Variants in FHIT observed in about 807,000 individuals in gnomAD.
FHIT encodes the protein bis(5'-adenosyl)-triphosphatase.
A neutral mutation model predicts 17.9 loss-of-function variants in FHIT; 19 were observed. The ratio of observed to expected loss-of-function variants is 1.06; its 90% CI spans 0.74 to 1.56. FHIT has a LOEUF of 1.56. FHIT is among the 40% of genes most tolerant of loss of function. The probability of loss-of-function intolerance (pLI) is 0.00; values close to 1 mark genes in which losing one functional copy is unlikely to be tolerated. For synonymous variants in FHIT, 81 were observed against 69.7 expected, an observed-to-expected ratio of 1.16 and a Z score of -0.81; for missense variants, 248 against 189.2, an observed-to-expected ratio of 1.31 and a Z score of -1.82.
chr3:60,789,289 C>G (rs923331107), intron 4 of FHIT, among the ~76,000 whole-genome samples: 1 of 151,602 alleles, frequency 6.6e-6, no homozygotes, highest in Non-Finnish European at 1.5e-5. Context: ...GAGGCCAAGG[C>G]GGGTAGATCA....
chr3:61,180,143 C>A (rs926228129), intron 2 of FHIT, among the ~76,000 whole-genome samples: 3 of 152,122 alleles, frequency 2.0e-5, no homozygotes, highest in African/African-American at 7.2e-5. Flanking sequence ...GCCTTTCCCT[C>A]ACGGCATCAA....
At chr3:60,821,822 C>G (rs557089414) in intron 4 of FHIT, 97 bp downstream of exon 4, 2 of 152,048 alleles carry the variant, frequency 1.3e-5, no homozygotes, top group African/African-American at 4.8e-5. Flanking sequence ...TTCTATTTTA[C>G]AAGTACATAG....
intron 8 of FHIT, among the ~76,000 whole-genome samples, chr3:59,851,847 A>T (rs1701951579): frequency 6.6e-6 from 1 of 152,218 alleles, no homozygotes; most frequent in Non-Finnish European, 1.5e-5. Context: ...ACAACATGAA[A>T]ATCAGACACG....
chr3:60,544,623 A>G (rs1369478098), intron 4 of FHIT, among the ~76,000 whole-genome samples: 7 of 138,122 alleles, frequency 5.1e-5, no homozygotes, highest in African/African-American at 1.9e-4. Context: ...TTTGAGACAG[A>G]GTCTCACTCT....
intron 3 of FHIT, among the ~76,000 whole-genome samples, chr3:60,831,912 T>A (rs1377078737): frequency 2.0e-5 from 3 of 152,106 alleles, no homozygotes; most frequent in African/African-American, 7.2e-5. Context: ...TTATGAGACA[T>A]GATTGTATAA....
intron 4 of FHIT, among the ~76,000 whole-genome samples, chr3:60,791,780 C>T (rs1700785261): frequency 6.6e-6 from 1 of 152,188 alleles, no homozygotes; most frequent in Admixed American, 6.5e-5. Context: ...TGAGAACAGT[C>T]CAATCCCCAG....
At chr3:61,051,570 A>G (rs2034029452) in intron 2 of FHIT, among the ~76,000 whole-genome samples, 1 of 152,094 alleles carries the variant, frequency 6.6e-6, no homozygotes, top group African/African-American at 2.4e-5. Flanking sequence ...TTTGACTGAC[A>G]TATCTCACTG....
rs1704828553 is a variant in FHIT at position 60,114,057 on chromosome 3, ATATATATATATATAT to A, written c.104-99920_104-99906del. ...AAAAAATATATATATATATATATATATATATATATATATATAATGTTATATGTATCTTACCACAAT... is the reference window on the plus strand; with the variant it reads ...AAAAAATATATATATATATATATATAAATGTTATATGTATCTTACCACAAT... On this transcript the variant is annotated intron_variant, in intron 5 of 9. Transcript: ENST00000492590. 6.8e-5 allele frequency among the ~76,000 whole-genome samples: 7 copies of A among 102,464 alleles called. 1 individual carries two copies. The highest frequency in any genetic ancestry group is 2.2e-4 in the Admixed American group (2 of 9,092). 67.2% of individuals were successfully genotyped at this position (102,464 alleles called of 152,430 possible).
chr3:59,856,384 A>C (rs1702157884), intron 8 of FHIT, among the ~76,000 whole-genome samples: 1 of 152,214 alleles, frequency 6.6e-6, no homozygotes, highest in Admixed American at 6.5e-5. Flanking sequence ...CCAATGTTCA[A>C]GGAAGACATC....
At chr3:60,910,703 T>C (rs778495382) in intron 3 of FHIT, among the ~76,000 whole-genome samples, 2 of 152,118 alleles carry the variant, frequency 1.3e-5, no homozygotes, top group African/African-American at 2.4e-5. Flanking sequence ...TGAGCCACCA[T>C]GCCCGGCCCA....
At chr3:60,512,838 T>A (rs2035001456) in intron 5 of FHIT, among the ~76,000 whole-genome samples, 1 of 152,172 alleles carries the variant, frequency 6.6e-6, no homozygotes, top group Admixed American at 6.5e-5. Context: ...GTCATGAATA[T>A]CCAAGGGAGT....
intron 4 of FHIT, among the ~76,000 whole-genome samples, chr3:60,611,816 C>T (rs1553673720): frequency 6.6e-6 from 1 of 152,084 alleles, no homozygotes; most frequent in African/African-American, 2.4e-5. Flanking sequence ...TGTCCTAAAC[C>T]TTTAAACTTG....
chr3:60,182,058 C>T (rs1473781237), intron 5 of FHIT, among the ~76,000 whole-genome samples: 1 of 152,112 alleles, frequency 6.6e-6, no homozygotes, highest in African/African-American at 2.4e-5. Context: ...GAAAAAGGGG[C>T]AGAGGGTTTT....
chr3:59,870,887 G>GTGTA (rs1702892513), intron 8 of FHIT, among the ~76,000 whole-genome samples: 1 of 151,858 alleles, frequency 6.6e-6, no homozygotes, highest in Non-Finnish European at 1.5e-5. Flanking sequence ...GTGTGTGTGT[G>GTGTA]TGTGTATTTA....
At chr3:60,084,627 G>A (rs1277142982) in intron 5 of FHIT, among the ~76,000 whole-genome samples, 1 of 151,966 alleles carries the variant, frequency 6.6e-6, no homozygotes, top group Non-Finnish European at 1.5e-5. Context: ...TCTATGCCAG[G>A]GAATATAAAA....
chr3:59,857,398 T>C (rs993010595), intron 8 of FHIT, among the ~76,000 whole-genome samples: 2 of 152,140 alleles, frequency 1.3e-5, no homozygotes, highest in Non-Finnish European at 2.9e-5. Context: ...CTTCACTGCC[T>C]ACCTGCAACT....
rs1234086478 is a variant in FHIT at position 60,377,476 on chromosome 3, T to C, written c.103+159384A>G. Among the ~76,000 whole-genome samples the C allele has an allele frequency of 8.2e-4, 98 of 119,252 alleles. 1 individual carries two copies. The highest frequency in any genetic ancestry group is 4.1e-3 in the Middle Eastern group (1 of 246). 78.2% of individuals were successfully genotyped at this position (119,252 alleles called of 152,430 possible). A position where few individuals can be genotyped will look rare whatever the true frequency, so the allele number is the denominator to read the frequency against. On this transcript the variant is annotated intron_variant, in intron 5 of 9. Coordinates refer to ENST00000492590, the MANE Select transcript of FHIT (RefSeq NM_002012.4). ...CCAGCCAAGAATTCTTTTTTTTTTT[T>C]TTTTTTTTTTTTTTTTGAGACGGAG...
intron 5 of FHIT, among the ~76,000 whole-genome samples, chr3:60,317,637 A>G (rs189279372): frequency 0.039 from 5,589 of 142,880 alleles, 325 homozygotes; most frequent in African/African-American, 0.13. Flanking sequence ...GTGTGTGTGT[A>G]TATATATATA....
intron 5 of FHIT, among the ~76,000 whole-genome samples, chr3:60,310,862 C>G (rs1708911516): frequency 6.6e-6 from 1 of 152,142 alleles, no homozygotes; most frequent in Admixed American, 6.6e-5. Context: ...TTTTCCCCAT[C>G]TGCCTATCAT....
Sources: gnomAD v4.1 joint callset for allele counts (sites outside exome capture counted in the v4.1 genomes callset) on GRCh38, gnomAD v4.1.1 for gene constraint, MANE v1.5 for transcripts, NCBI Gene and HGNC (gene_info 2026-07-23, HGNC 2026-07-21) for gene names.